Variants in POM121 observed in about 807,000 individuals in gnomAD.
POM121 encodes nuclear envelope pore membrane protein POM 121.
POM121 carries 32 observed loss-of-function variants against 81.3 expected under a neutral mutation model. The observed-to-expected ratio is 0.39, with a 90% CI of 0.30 to 0.53. POM121 has a LOEUF of 0.53. Ranked by LOEUF, POM121 falls within the 20% of genes least tolerant of loss-of-function variation. The probability of loss-of-function intolerance (pLI) is 0.66; values close to 1 mark genes in which losing one functional copy is unlikely to be tolerated. For synonymous variants in POM121, 514 were observed against 694.2 expected, an observed-to-expected ratio of 0.74 and a Z score of 4.08; for missense variants, 1,138 against 1,614.6, an observed-to-expected ratio of 0.70 and a Z score of 5.06.
At chr7:72,881,279 A>C (rs1277471890) in intron 1 of POM121, among the ~76,000 whole-genome samples, 1 of 150,642 alleles carries the variant, frequency 6.6e-6, no homozygotes, top group African/African-American at 2.4e-5. Flanking sequence ...ATGTTGGCCC[A>C]GGCAGGCGGA....
Position 72,925,682 on chromosome 7 carries a change from C to A in POM121, c.561C>A (p.Pro187=), listed in dbSNP as rs1201143687. The change falls in exon 1 of 13, where the codon CCC becomes CCA. Residue 187 remains proline, a synonymous_variant. Coordinates refer to ENST00000434423, the MANE Select transcript of POM121 (RefSeq NM_001387691.1). ...PRSPPPRSPP[P]SPPTHRAHHV... is the part of the protein sequence containing the mutation. Reference sequence around the variant, plus strand: ...CCCCACCGCCGCGCTCCCCCCCGCCCTCCCCGCCGACCCATCGCGCTCACC... The same window carrying A: ...CCCCACCGCCGCGCTCCCCCCCGCCATCCCCGCCGACCCATCGCGCTCACC... 3.4e-5 allele frequency: 41 copies of A among 1,202,438 alleles called. No individual in the cohort carries two copies. The highest frequency in any genetic ancestry group is 4.2e-5 in the Non-Finnish European group (41 of 965,132). The allele number at this position is 1,202,438 out of a possible 1,614,324, so 74.5% of individuals were successfully genotyped here. A position where few individuals can be genotyped will look rare whatever the true frequency, so the allele number is the denominator to read the frequency against.
At chr7:72,927,260 A>C (rs1795551190) in intron 3 of POM121, among the ~76,000 whole-genome samples, 3 of 152,242 alleles carry the variant, frequency 2.0e-5, no homozygotes, top group Non-Finnish European at 4.4e-5. Flanking sequence ...ATTTTCAAGA[A>C]AGAAGGCTCT....
At chr7:72,948,869 C>T (rs576131112), downstream of POM121, 41 of 1,602,390 alleles carry the variant, frequency 2.6e-5, no homozygotes, top group South Asian at 4.4e-5. Flanking sequence ...CCCCCCTCCA[C>T]GACCCTGGCG....
chr7:72,945,485 G>T, intron 11 of POM121, 101 bp from the exon 12 acceptor site: 2 of 1,413,488 alleles, frequency 1.4e-6, no homozygotes, highest in Non-Finnish European at 9.6e-7. Context: ...TGGGGCTGAG[G>T]GTCCCGTGGG....
chr7:72,948,848 T>C (rs370659737), downstream of POM121: 648 of 1,574,348 alleles, frequency 4.1e-4, 14 homozygotes, highest in African/African-American at 5.8e-3. Context: ...AAGAGAGCAG[T>C]TCACCCCATC....
chr7:72,882,710 C>CT (rs1224835341), intron 1 of POM121, among the ~76,000 whole-genome samples: 3 of 152,280 alleles, frequency 2.0e-5, no homozygotes, highest in Admixed American at 1.3e-4. Flanking sequence ...ATTTGTTCGT[C>CT]TTTTTGTTCG....
intron 3 of POM121, 152 bp from the exon 4 acceptor site, chr7:72,928,233 A>C (rs1385397658): frequency 8.2e-5 from 95 of 1,164,174 alleles, no homozygotes; most frequent in Admixed American, 4.4e-4. Flanking sequence ...TTTACCTTTC[A>C]GAAGCTTAGG....
At chr7:72,949,558 G>C (rs1440285813), downstream of POM121, 34 of 732,712 alleles carry the variant, frequency 4.6e-5, no homozygotes, top group Non-Finnish European at 7.1e-5. Flanking sequence ...TGTCACAGCT[G>C]ACACAGACAA....
chr7:72,910,012 G>A (rs1192373677), intron 3 of POM121, among the ~76,000 whole-genome samples: 29 of 152,176 alleles, frequency 1.9e-4, no homozygotes, highest in Non-Finnish European at 2.5e-4. Context: ...CTTTTGCTGT[G>A]TTGATCCTGG....
chr7:72,886,288 C>G (rs1265738949), intron 1 of POM121, among the ~76,000 whole-genome samples: 3 of 152,146 alleles, frequency 2.0e-5, no homozygotes. Context: ...ATTCTCCTGC[C>G]TCAGCCTCCT....
chr7:72,931,417 A>C (rs1796008326), intron 5 of POM121, among the ~76,000 whole-genome samples: 1 of 152,178 alleles, frequency 6.6e-6, no homozygotes, highest in African/African-American at 2.4e-5. Context: ...TAAGATAGAC[A>C]GATCCTCTAG....
At chr7:72,950,115 C>G (rs1563181550), downstream of POM121, 1 of 1,600,062 alleles carries the variant, frequency 6.2e-7, no homozygotes, top group Non-Finnish European at 8.6e-7. Flanking sequence ...GCAGATCTGT[C>G]TGGGCGGGAA....
chr7:72,904,977 A>G (rs1346707650), intron 3 of POM121, among the ~76,000 whole-genome samples: 1 of 152,218 alleles, frequency 6.6e-6, no homozygotes, highest in African/African-American at 2.4e-5. Context: ...CCCGTGATCC[A>G]ATCACCTTCC....
At chr7:72,912,794 G>A (rs1156486007) in intron 3 of POM121, among the ~76,000 whole-genome samples, 1 of 152,132 alleles carries the variant, frequency 6.6e-6, no homozygotes, top group Admixed American at 6.6e-5. Context: ...AGATCTAAGT[G>A]GGTTTTCCCA....
At chr7:72,901,605 G>A (rs1400754422) in intron 3 of POM121, among the ~76,000 whole-genome samples, 4 of 151,466 alleles carry the variant, frequency 2.6e-5, no homozygotes, top group East Asian at 2.0e-4. Flanking sequence ...CACCTGCCTC[G>A]GCCTCCCAAA....
In POM121 at chr7:72,937,879, G is replaced by A. The variant is rs563468179; in HGVS notation, c.1276-711G>A. Among the ~76,000 whole-genome samples, 310 of 152,308 alleles carry A rather than the reference G, an allele frequency of 2.0e-3. 1 individual carries two copies. The highest frequency in any genetic ancestry group is 6.4e-3 in the African/African-American group (268 of 41,572). ...TCATCACATGATGATAAATGCCATC[G>A]TTGTTGCAAAAGTCATAAACGTTAC... On this transcript the variant is annotated intron_variant, in intron 5 of 12. Transcript: ENST00000434423.
At position 72,930,095 on chromosome 7, in the gene POM121, C is replaced by T; in HGVS notation, c.1259C>T (p.Thr420Ile). The change falls in exon 5 of 13, where the codon ACT becomes ATT. Residue 420 changes from threonine (T) to isoleucine (I), a missense_variant. Around this residue, in one of 7 missense-constraint regions of POM121, gnomAD observed 646 missense variants for 633.5 expected, o/e 1.02. Transcript: ENST00000434423. ...RNAITSSYSS[T>I]RGISQLWKRN... Reference sequence around the variant, plus strand: ...GCCATTACCAGTTCCTACAGCTCCACTCGAGGCATCTCACAGGTACAAGTA... The same window carrying T: ...GCCATTACCAGTTCCTACAGCTCCATTCGAGGCATCTCACAGGTACAAGTA... 6.2e-7 allele frequency: 1 copy of T among 1,610,862 alleles called. No homozygotes were observed. The highest frequency in any genetic ancestry group is 8.5e-7 in the Non-Finnish European group (1 of 1,178,606).
At chr7:72,929,493 T>G (rs139154141) in intron 4 of POM121, among the ~76,000 whole-genome samples, 2 of 152,334 alleles carry the variant, frequency 1.3e-5, no homozygotes, top group African/African-American at 4.8e-5. Flanking sequence ...ACTCTGATTT[T>G]TTTTTAATAG....
At chr7:72,930,689 T>G (rs1487705935) in intron 5 of POM121, among the ~76,000 whole-genome samples, 1 of 152,212 alleles carries the variant, frequency 6.6e-6, no homozygotes, top group Non-Finnish European at 1.5e-5. Context: ...CTGGACAGAC[T>G]TAGATTCAAA....
Sources: gnomAD v4.1 joint callset for allele counts (sites outside exome capture counted in the v4.1 genomes callset) on GRCh38, gnomAD v4.1.1 for gene constraint, gnomAD v4.1.1 regional missense constraint, MANE v1.5 for transcripts, NCBI Gene and HGNC (gene_info 2026-07-23, HGNC 2026-07-21) for gene names.